CDK14: variants seen among roughly 807,000 people sequenced by gnomAD.
CDK14 encodes the protein cyclin-dependent kinase 14.
Under a neutral mutation model 60.7 loss-of-function variants are expected in CDK14, and 34 were observed. The ratio of observed to expected loss-of-function variants is 0.56; its 90% CI spans 0.43 to 0.75. The LOEUF (loss-of-function observed/expected upper bound fraction) is 0.75, where lower values mean the gene tolerates loss of function less well. CDK14 is among the 30% of genes least tolerant of loss of function. CDK14 has a pLI of 0.00. For synonymous variants in CDK14, 197 were observed against 203.7 expected, an observed-to-expected ratio of 0.97 and a Z score of 0.28; for missense variants, 482 against 564.1, an observed-to-expected ratio of 0.85 and a Z score of 1.47.
At chr7:90,809,957 C>G (rs1051245622) in intron 5 of CDK14, among the ~76,000 whole-genome samples, 1 of 152,176 alleles carries the variant, frequency 6.6e-6, no homozygotes, top group Admixed American at 6.5e-5. Context: ...ATAACAGGCT[C>G]TGAAGTTCAG....
At chr7:91,020,431 T>G (rs1424941681) in intron 10 of CDK14, among the ~76,000 whole-genome samples, 1 of 152,088 alleles carries the variant, frequency 6.6e-6, no homozygotes, top group Non-Finnish European at 1.5e-5. Flanking sequence ...TTGAACAAAA[T>G]AAAAACCCTT....
chr7:91,063,498 G>C (rs1301274052), intron 11 of CDK14, among the ~76,000 whole-genome samples: 2 of 152,184 alleles, frequency 1.3e-5, no homozygotes, highest in Non-Finnish European at 2.9e-5. Context: ...ACTCCCAATG[G>C]AGATTGTTTA....
At chr7:90,873,646 G>C (rs1418039983) in intron 6 of CDK14, among the ~76,000 whole-genome samples, 2 of 152,120 alleles carry the variant, frequency 1.3e-5, no homozygotes, top group African/African-American at 2.4e-5. Context: ...TTTAGATTAA[G>C]TCAATTAGTT....
chr7:90,845,597 C>T (rs778670422), intron 5 of CDK14, among the ~76,000 whole-genome samples: 1 of 151,608 alleles, frequency 6.6e-6, no homozygotes, highest in African/African-American at 2.4e-5. Flanking sequence ...ATTGTTTTTG[C>T]CAGCTCACTT....
At chr7:90,892,537 G>A (rs1197048793) in intron 6 of CDK14, among the ~76,000 whole-genome samples, 1 of 151,928 alleles carries the variant, frequency 6.6e-6, no homozygotes, top group Non-Finnish European at 1.5e-5. Flanking sequence ...TTTTAACAAG[G>A]GGTTATTTTT....
intron 14 of CDK14, among the ~76,000 whole-genome samples, chr7:91,168,782 T>C (rs1192498968): frequency 6.6e-6 from 1 of 152,206 alleles, no homozygotes; most frequent in Non-Finnish European, 1.5e-5. Context: ...GGTTTTGAGA[T>C]GTAGATAAGA....
intron 11 of CDK14, among the ~76,000 whole-genome samples, chr7:91,076,529 C>CA (rs1798324465): frequency 6.6e-6 from 1 of 152,060 alleles, no homozygotes; most frequent in Non-Finnish European, 1.5e-5. Flanking sequence ...AAATATAAAG[C>CA]CCCAAATCAT....
At position 90,689,866 on chromosome 7, in the gene CDK14, G is replaced by A. The variant is rs1801518107; in HGVS notation, c.124-36701G>A. On this transcript the variant is annotated intron_variant, in intron 2 of 14. Coordinates refer to ENST00000380050, the MANE Select transcript of CDK14 (RefSeq NM_001287135.2). ...TGCCGAATAGATGAGGAATTTGAAA[G>A]TTTGTAATAAACTGCAAATTATTTG... Among the ~76,000 whole-genome samples the A allele has an allele frequency of 2.0e-5, 3 of 152,112 alleles. No individual in the cohort carries two copies. The South Asian group carries it at 6.2e-4, about 32-fold the overall frequency.
chr7:90,833,787 G>A (rs1405326312), intron 5 of CDK14, among the ~76,000 whole-genome samples: 5 of 152,060 alleles, frequency 3.3e-5, no homozygotes, highest in East Asian at 1.9e-4. Flanking sequence ...TTTCGAAGCT[G>A]GCAAGATTTT....
At chr7:91,079,523 T>C (rs1328574834) in intron 12 of CDK14, 43 bp downstream of exon 12, 2 of 1,346,922 alleles carry the variant, frequency 1.5e-6, no homozygotes, top group Non-Finnish European at 2.1e-6. Context: ...TTCTTTCTCT[T>C]TTAATATTTA....
chr7:90,952,003 G>T (rs1476331928), intron 8 of CDK14, among the ~76,000 whole-genome samples: 1 of 152,174 alleles, frequency 6.6e-6, no homozygotes, highest in Non-Finnish European at 1.5e-5. Context: ...GAAAGCACTG[G>T]TTTGAGCGTA....
intron 2 of CDK14, among the ~76,000 whole-genome samples, chr7:90,681,404 G>T (rs1267997812): frequency 2.0e-5 from 3 of 152,190 alleles, no homozygotes; most frequent in Non-Finnish European, 4.4e-5. Flanking sequence ...CTCCATTTAG[G>T]TGTCTTCTAG....
chr7:91,118,252 T>G, intron 14 of CDK14, 44 bp downstream of exon 14: 1 of 878,172 alleles, frequency 1.1e-6, no homozygotes, highest in South Asian at 1.5e-5. Context: ...TTAATGGATA[T>G]TGAACGGATT....
intron 9 of CDK14, among the ~76,000 whole-genome samples, chr7:90,963,707 T>C (rs1325296442): frequency 3.8e-4 from 45 of 118,540 alleles, no homozygotes; most frequent in African/African-American, 1.4e-3. Context: ...TTTCTTTTTC[T>C]TTTCTTTTTT....
Position 91,134,883 on chromosome 7 carries a change from A to G in CDK14, c.*28+16675A>G, listed in dbSNP as rs144016230. Among the ~76,000 whole-genome samples the G allele has an allele frequency of 3.9e-5, 6 of 152,232 alleles. No homozygotes were observed. The East Asian group carries it at 1.2e-3, about 29-fold the overall frequency. ...CAGAGTGAGACCCTGTCTCAAAAAA[A>G]AATAATAATAATTTATAGAATTTTT... On this transcript the variant is annotated intron_variant, in intron 14 of 14. Coordinates refer to ENST00000380050, the MANE Select transcript of CDK14 (RefSeq NM_001287135.2).
At chr7:91,061,696 C>T (rs920574553) in intron 11 of CDK14, among the ~76,000 whole-genome samples, 2 of 152,220 alleles carry the variant, frequency 1.3e-5, no homozygotes, top group Non-Finnish European at 2.9e-5. Flanking sequence ...GTATCAGCAG[C>T]AGAGGCTGCA....
At chr7:91,199,050 G>A (rs565882417) in intron 14 of CDK14, among the ~76,000 whole-genome samples, 1 of 152,172 alleles carries the variant, frequency 6.6e-6, no homozygotes, top group South Asian at 2.1e-4. Flanking sequence ...TAGTTTAGTA[G>A]GACTGTAATA....
At chr7:90,833,396 CA>C (rs2117118598) in intron 5 of CDK14, among the ~76,000 whole-genome samples, 1 of 152,316 alleles carries the variant, frequency 6.6e-6, no homozygotes, top group East Asian at 1.9e-4. Flanking sequence ...TGAGGTACAA[CA>C]ATCCCATTTT....
intron 2 of CDK14, among the ~76,000 whole-genome samples, chr7:90,708,197 G>A (rs1368702338): frequency 6.6e-6 from 1 of 152,136 alleles, no homozygotes; most frequent in Non-Finnish European, 1.5e-5. Flanking sequence ...TTTGAAAAAT[G>A]CAATTGGCGT....
Sources: allele counts gnomAD v4.1 joint callset (sites outside exome capture counted in the v4.1 genomes callset), GRCh38; gene constraint gnomAD v4.1.1; transcripts MANE v1.5; gene names NCBI Gene and HGNC (gene_info 2026-07-23, HGNC 2026-07-21).